The following SCN11A variants were observed in gnomAD, a reference collection of about 807,000 sequenced individuals.
SCN11A encodes sodium channel protein type 11 subunit alpha.
In SCN11A, 122 loss-of-function variants were observed where a neutral mutation model predicts 162.2. That is an observed-to-expected ratio of 0.75 (90% CI 0.65 to 0.87). The LOEUF (loss-of-function observed/expected upper bound fraction) is 0.87. Among genes scored for constraint, SCN11A ranks in the 40% least tolerant of loss-of-function variants. SCN11A has a pLI of 0.00. For synonymous variants in SCN11A, 758 were observed against 751.5 expected (o/e 1.01, Z -0.14); for missense variants, 2,015 against 2,181.6 (o/e 0.92, Z 1.52).
In SCN11A at chr3:39,025,422, C is replaced by T. The variant is rs377572768; in HGVS notation, c.-280+6958G>A. Reference sequence around the variant, plus strand: ...CCCTAGACAGAGGAACAGCACAGGACGCGCAGCTGGTTATAGTTATTGTTA... The same window carrying T: ...CCCTAGACAGAGGAACAGCACAGGATGCGCAGCTGGTTATAGTTATTGTTA... On this transcript the variant is annotated intron_variant, in intron 2 of 29. Coordinates refer to ENST00000302328, the MANE Select transcript of SCN11A (RefSeq NM_001349253.2). 7.8e-4 allele frequency among the ~76,000 whole-genome samples: 118 copies of T among 152,254 alleles called. 2 individuals carry two copies. Among genetic ancestry groups the T allele is most frequent in the African/African-American group, 2.7e-3 (111 of 41,550 alleles).
At chr3:38,907,350 CTA>C (rs1282716878) in intron 14 of SCN11A, among the ~76,000 whole-genome samples, 7 of 51,548 alleles carry the variant, frequency 1.4e-4, no homozygotes, top group East Asian at 4.0e-3. Flanking sequence ...GTGTATATAT[CTA>C]TATATACACA....
intron 19 of SCN11A, among the ~76,000 whole-genome samples, chr3:38,887,070 C>T (rs2065412827): frequency 6.6e-6 from 1 of 152,084 alleles, no homozygotes; most frequent in South Asian, 2.1e-4. Flanking sequence ...ATTCCCATAC[C>T]TTATGCACAT....
At chr3:38,895,454 G>C (rs1224632043) in intron 18 of SCN11A, among the ~76,000 whole-genome samples, 1 of 152,130 alleles carries the variant, frequency 6.6e-6, no homozygotes, top group African/African-American at 2.4e-5. Flanking sequence ...TAACGTACTG[G>C]GGCCAAGCCA....
At chr3:38,980,799 C>G (rs1234939760) in intron 2 of SCN11A, among the ~76,000 whole-genome samples, 1 of 152,148 alleles carries the variant, frequency 6.6e-6, no homozygotes, top group Non-Finnish European at 1.5e-5. Flanking sequence ...TGACTGATAT[C>G]CAGGGCAGCT....
In SCN11A at chr3:39,002,859, A is replaced by G. The variant is rs545751544; in HGVS notation, c.-280+29521T>C. Among the ~76,000 whole-genome samples the G allele has an allele frequency of 5.3e-5, 8 of 152,332 alleles. 1 individual carries two copies. In the South Asian group the frequency reaches 1.7e-3, roughly 32 times the overall value. Reference sequence around the variant, plus strand: ...CAGGAGAAGGATAGGAGACCCATGGAGTCAAGCTGAACTGCTGCAGCTAAG... The same window carrying G: ...CAGGAGAAGGATAGGAGACCCATGGGGTCAAGCTGAACTGCTGCAGCTAAG... On this transcript the variant is annotated intron_variant, in intron 2 of 29. Coordinates refer to ENST00000302328, the MANE Select transcript of SCN11A (RefSeq NM_001349253.2).
intron 2 of SCN11A, among the ~76,000 whole-genome samples, chr3:39,024,440 C>A (rs1209402871): frequency 5.3e-5 from 8 of 152,120 alleles, no homozygotes; most frequent in Non-Finnish European, 1.0e-4. Flanking sequence ...ATCTTTATGG[C>A]CAGTGTTGGG....
intron 2 of SCN11A, among the ~76,000 whole-genome samples, chr3:39,007,125 G>A (rs1483854520): frequency 6.6e-6 from 1 of 152,068 alleles, no homozygotes; most frequent in Non-Finnish European, 1.5e-5. Context: ...CAGTACACTG[G>A]ACTCATACCA....
rs377462369 is a variant in SCN11A, at chr3:38,870,743, G to T, written c.3761C>A (p.Ala1254Glu). Residue 1254 changes from alanine to glutamate, a missense_variant and splice_region_variant, in exon 26 of 30, where the codon GCA (alanine) becomes GAA (glutamate). Ala to Glu is a moderately radical substitution (Grantham distance 107). Coordinates refer to ENST00000302328, the MANE Select transcript of SCN11A (RefSeq NM_001349253.2). The stretch of plus-strand genomic sequence containing the variant: ...AATATCCATCCAGCCCTTAAATGTT[G>T]CCTGCAACAAAAGCAGAAAAACATG... ...GNAYLALLQVATFKGWMDIIY... is the reference protein window; with the variant it reads ...GNAYLALLQVETFKGWMDIIY... The T allele has an allele frequency of 6.8e-6, 11 of 1,612,874 alleles. No homozygotes were observed. Among genetic ancestry groups the T allele is most frequent in the Non-Finnish European group, 6.8e-6 (8 of 1,179,084 alleles).
chr3:38,872,294 C>T lies in SCN11A; in HGVS notation c.3394G>A (p.Val1132Ile). 1 of 1,561,350 alleles carries T rather than the reference C, an allele frequency of 6.4e-7. No individual in the cohort carries two copies. The highest frequency in any genetic ancestry group is 8.8e-7 in the Non-Finnish European group (1 of 1,132,156). Residue 1132 changes from valine (V) to isoleucine (I), a missense_variant and splice_region_variant, in exon 24 of 30, where the codon GTC (valine) becomes ATC (isoleucine). Physicochemically the swap from Val to Ile is conservative, Grantham distance 29. Transcript: ENST00000302328. ...AAGTTAATGAGGGTGGTCACAGAGACCTGATGGGAAGAGAGGCCACAGATA... is the reference window on the plus strand; with the variant it reads ...AAGTTAATGAGGGTGGTCACAGAGATCTGATGGGAAGAGAGGCCACAGATA... ...WCCLDFIIVI[V>I]SVTTLINLME...
intron 28 of SCN11A, among the ~76,000 whole-genome samples, chr3:38,853,292 A>G (rs1048041024): frequency 2.6e-5 from 4 of 151,618 alleles, no homozygotes; most frequent in African/African-American, 9.7e-5. Flanking sequence ...GCATATGTAA[A>G]CAAAAATTCT....
At chr3:38,857,347 C>T (rs976550340) in intron 28 of SCN11A, among the ~76,000 whole-genome samples, 7 of 151,956 alleles carry the variant, frequency 4.6e-5, no homozygotes, top group Non-Finnish European at 1.0e-4. Flanking sequence ...GAAACACCTA[C>T]GGAAATGCAA....
chr3:38,906,660 CTTGG>C (rs2126126586), intron 14 of SCN11A, among the ~76,000 whole-genome samples: 1 of 152,304 alleles, frequency 6.6e-6, no homozygotes, highest in East Asian at 1.9e-4. Flanking sequence ...GCACCTCTTA[CTTGG>C]TTACTGCAAC....
At chr3:39,025,975 A>G (rs1177680555) in intron 2 of SCN11A, 1 of 123,226 alleles carries the variant, frequency 8.1e-6, no homozygotes, top group Non-Finnish European at 2.0e-5. Context: ...GTTGACAAAA[A>G]TACTTAAAAG....
chr3:38,923,801 G>A (rs983959190), intron 9 of SCN11A, among the ~76,000 whole-genome samples: 25 of 152,206 alleles, frequency 1.6e-4, no homozygotes, highest in African/African-American at 5.8e-4. Flanking sequence ...GATGAGTCGG[G>A]GGAGCAGGAG....
chr3:38,910,281 G>A, intron 11 of SCN11A, 74 bp from the exon 12 acceptor site: 3 of 1,496,638 alleles, frequency 2.0e-6, no homozygotes, highest in Non-Finnish European at 1.8e-6. Context: ...CAACGACTCT[G>A]GTTTTTCCAA....
chr3:38,880,091 G>A lies in SCN11A; in HGVS notation c.3252C>T (p.Pro1084=). 6.2e-7 allele frequency: 1 copy of A among 1,611,532 alleles called. No individual in the cohort carries two copies. Among genetic ancestry groups the A allele is most frequent in the Non-Finnish European group, 8.5e-7 (1 of 1,178,324 alleles). The change falls in exon 23 of 30, where the codon CCC becomes CCT. Residue 1084 remains proline (P), a synonymous_variant. Coordinates refer to ENST00000302328, the MANE Select transcript of SCN11A (RefSeq NM_001349253.2). ...TACAATTTAGTAATTCTTGGATTTT[G>A]GGTTGGTTCTCAAGGTGAACATCTT... The part of the protein sequence containing the change: ...IFEDVHLENQ[P]KIQELLNCTD...
Position 38,871,474 on chromosome 3 carries a change from C to T in SCN11A, c.3730G>A (p.Gly1244Arg), listed in dbSNP as rs771525253. ...INQKVNFDNV[G>R]NAYLALLQVA... ...TGCAGCAGAGCGAGGTAAGCATTTCCCACATTGTCAAAGTTGACTTTCTGG... is the reference window on the plus strand; with the variant it reads ...TGCAGCAGAGCGAGGTAAGCATTTCTCACATTGTCAAAGTTGACTTTCTGG... Residue 1244 changes from glycine to arginine, a missense_variant, in exon 25 of 30, where the codon GGA (glycine) becomes AGA (arginine). Coordinates refer to ENST00000302328, the MANE Select transcript of SCN11A (RefSeq NM_001349253.2). 4 of 1,611,564 alleles carry T rather than the reference C, an allele frequency of 2.5e-6. No homozygotes were observed. The highest frequency in any genetic ancestry group is 3.4e-6 in the Non-Finnish European group (4 of 1,178,984).
At chr3:38,848,725 T>C (rs1012435960) in intron 29 of SCN11A, among the ~76,000 whole-genome samples, 3 of 152,200 alleles carry the variant, frequency 2.0e-5, no homozygotes, top group African/African-American at 7.2e-5. Context: ...GTTCTTTCTC[T>C]GAGCTCATTT....
intron 2 of SCN11A, among the ~76,000 whole-genome samples, chr3:38,983,491 G>A (rs2030130915): frequency 6.6e-6 from 1 of 152,290 alleles, no homozygotes; most frequent in Middle Eastern, 3.4e-3. Flanking sequence ...GGGAAAGAAA[G>A]TAATAGAGAA....
Sources: allele counts gnomAD v4.1 joint callset (sites outside exome capture counted in the v4.1 genomes callset), GRCh38; gene constraint gnomAD v4.1.1; transcripts MANE v1.5; gene names NCBI Gene and HGNC (gene_info 2026-07-23, HGNC 2026-07-21).